ADAMTSL1: variants seen among roughly 807,000 people sequenced by gnomAD.
The protein encoded by ADAMTSL1 is ADAMTS like 1, also known as ADAMTS-like protein 1.
ADAMTSL1 carries 126 observed loss-of-function variants against 201.8 expected under a neutral mutation model. The ratio of observed to expected loss-of-function variants is 0.62; its 90% CI spans 0.54 to 0.72. ADAMTSL1 has a LOEUF of 0.72. Ranked by LOEUF, ADAMTSL1 falls within the 30% of genes least tolerant of loss-of-function variation. The probability of loss-of-function intolerance (pLI) is 0.00; values close to 1 mark genes in which losing one functional copy is unlikely to be tolerated. For synonymous variants in ADAMTSL1, 1,121 were observed against 903.4 expected, an observed-to-expected ratio of 1.24 and a Z score of -4.32; for missense variants, 2,679 against 2,277.8, an observed-to-expected ratio of 1.18 and a Z score of -3.59.
chr9:18,762,470 A>G (rs1295063018), intron 16 of ADAMTSL1, among the ~76,000 whole-genome samples: 1 of 152,198 alleles, frequency 6.6e-6, no homozygotes, highest in Non-Finnish European at 1.5e-5. Flanking sequence ...TGGGGCATCC[A>G]TCCCTTCAAA....
At chr9:18,295,495 T>C (rs1833442527) in intron 2 of ADAMTSL1, among the ~76,000 whole-genome samples, 1 of 152,068 alleles carries the variant, frequency 6.6e-6, no homozygotes, top group Non-Finnish European at 1.5e-5. Context: ...TGCACCACCA[T>C]GTCCAGATAA....
intron 23 of ADAMTSL1, among the ~76,000 whole-genome samples, chr9:18,853,789 C>G (rs1165465820): frequency 6.6e-6 from 1 of 151,928 alleles, no homozygotes; most frequent in Non-Finnish European, 1.5e-5. Context: ...ATAATTTTTG[C>G]AAAAGCGATT....
chr9:18,460,004 A>T lies in ADAMTSL1; in HGVS notation c.208-44825A>T, dbSNP rs536504009. Among the ~76,000 whole-genome samples, 6 of 152,324 alleles carry T rather than the reference A, an allele frequency of 3.9e-5. No homozygotes were observed. In the East Asian group the frequency reaches 1.2e-3, roughly 29 times the overall value. ...CAAGATTTGCCGAGAATATTATCTG[A>T]GTCATGAATAGACATAGTAACAGGA... On this transcript the variant is annotated intron_variant, in intron 2 of 29. Transcript: ENST00000680146.
chr9:18,087,926 C>T (rs1372837872), intron 1 of ADAMTSL1, among the ~76,000 whole-genome samples: 1 of 152,068 alleles, frequency 6.6e-6, no homozygotes, highest in African/African-American at 2.4e-5. Context: ...AACAATTTGT[C>T]CACACCTGAT....
intron 2 of ADAMTSL1, among the ~76,000 whole-genome samples, chr9:18,532,253 G>A (rs985201024): frequency 1.3e-5 from 2 of 152,116 alleles, no homozygotes; most frequent in African/African-American, 4.8e-5. Flanking sequence ...TGTATTGCTG[G>A]TGGGAGTATG....
At chr9:18,143,906 C>G (rs1826510687) in intron 1 of ADAMTSL1, among the ~76,000 whole-genome samples, 2 of 152,094 alleles carry the variant, frequency 1.3e-5, no homozygotes, top group Admixed American at 1.3e-4. Context: ...AATTTTGTTT[C>G]TGTAGGAAAA....
Position 17,977,763 on chromosome 9 carries a change from A to G in ADAMTSL1, c.87+70841A>G, listed in dbSNP as rs1168233998. 5.3e-5 allele frequency among the ~76,000 whole-genome samples: 8 copies of G among 152,092 alleles called. No homozygotes were observed. In the East Asian group the frequency reaches 1.5e-3, roughly 29 times the overall value. ...TTTTGTGTGTTCTTGAAGAAGATGT[A>G]TTTTCTGCTGGTGTTCTTGAAGAAA... is the stretch of plus-strand genomic sequence containing the variant. On this transcript the variant is annotated intron_variant, in intron 1 of 29. Coordinates refer to the ADAMTSL1 transcript ENST00000680146.
chr9:18,520,094 G>A (rs185747199), intron 2 of ADAMTSL1, among the ~76,000 whole-genome samples: 1 of 152,276 alleles, frequency 6.6e-6, no homozygotes, highest in Admixed American at 6.5e-5. Context: ...ATAGCAAAAA[G>A]CCAATTTGAA....
chr9:18,289,861 T>G (rs1444653160), intron 2 of ADAMTSL1, among the ~76,000 whole-genome samples: 1 of 152,216 alleles, frequency 6.6e-6, no homozygotes, highest in East Asian at 1.9e-4. Context: ...AGTTTCCAGT[T>G]TATAATTCAA....
chr9:18,889,785 C>A, intron 25 of ADAMTSL1, 37 bp downstream of exon 25: 1 of 1,423,814 alleles, frequency 7.0e-7, no homozygotes. Context: ...CCTCCCCACC[C>A]TAGGAGGAGC....
At chr9:18,056,069 T>C (rs1822167341) in intron 1 of ADAMTSL1, among the ~76,000 whole-genome samples, 1 of 152,294 alleles carries the variant, frequency 6.6e-6, no homozygotes, top group East Asian at 1.9e-4. Flanking sequence ...TGAATCTCTT[T>C]TGCTCCCTTT....
At chr9:18,727,798 G>A (rs973621523) in intron 15 of ADAMTSL1, among the ~76,000 whole-genome samples, 5 of 152,092 alleles carry the variant, frequency 3.3e-5, no homozygotes, top group East Asian at 1.9e-4. Flanking sequence ...ATCACTTTGC[G>A]GCTGGGCACA....
At chr9:18,096,505 G>A (rs1400227508) in intron 1 of ADAMTSL1, among the ~76,000 whole-genome samples, 1 of 152,180 alleles carries the variant, frequency 6.6e-6, no homozygotes, top group African/African-American at 2.4e-5. Flanking sequence ...GTAGGAGATG[G>A]GGGTGGTGGA....
intron 2 of ADAMTSL1, among the ~76,000 whole-genome samples, chr9:18,269,820 G>C (rs1037869623): frequency 6.1e-5 from 9 of 148,588 alleles, no homozygotes; most frequent in Middle Eastern, 3.5e-3. Flanking sequence ...GGGAAACTCT[G>C]CAGAGAGTTT....
intron 15 of ADAMTSL1, among the ~76,000 whole-genome samples, chr9:18,722,723 C>T (rs1157318373): frequency 6.6e-6 from 1 of 152,150 alleles, no homozygotes; most frequent in Non-Finnish European, 1.5e-5. Flanking sequence ...CCAGGGCATT[C>T]CCCTCTTCAA....
In ADAMTSL1 at chr9:18,460,472, A is replaced by T. The variant is rs1006331838; in HGVS notation, c.208-44357A>T. Among the ~76,000 whole-genome samples, 196 of 152,252 alleles carry T rather than the reference A, an allele frequency of 1.3e-3. 1 individual carries two copies. The highest frequency in any genetic ancestry group is 4.5e-3 in the African/African-American group (186 of 41,554). On this transcript the variant is annotated intron_variant, in intron 2 of 29. Coordinates refer to the ADAMTSL1 transcript ENST00000680146. ...AAGTAGATCCAGGTTTTATGGCTGG[A>T]GAGAGTCCAGGGCACTCAAAAGTGA...
chr9:18,870,084 A>G (rs528565240), intron 23 of ADAMTSL1, among the ~76,000 whole-genome samples: 3 of 152,214 alleles, frequency 2.0e-5, no homozygotes, highest in Admixed American at 2.0e-4. Context: ...AGAAGTTTTT[A>G]TAGTTTCTAC....
At chr9:18,263,003 G>A (rs1433518129) in intron 2 of ADAMTSL1, among the ~76,000 whole-genome samples, 1 of 152,194 alleles carries the variant, frequency 6.6e-6, no homozygotes, top group Non-Finnish European at 1.5e-5. Context: ...CTGGGTACAA[G>A]TACTGAGCTA....
intron 2 of ADAMTSL1, among the ~76,000 whole-genome samples, chr9:18,287,895 A>G (rs563296998): frequency 3.9e-5 from 6 of 152,152 alleles, no homozygotes; most frequent in African/African-American, 1.2e-4. Context: ...TTTTTCTCCT[A>G]CTCCCTGAAG....
Sources: gnomAD v4.1 joint callset for allele counts (sites outside exome capture counted in the v4.1 genomes callset) on GRCh38, gnomAD v4.1.1 for gene constraint, MANE v1.5 for transcripts, NCBI Gene and HGNC (gene_info 2026-07-23, HGNC 2026-07-21) for gene names.